Variants in EFCAB5 observed in about 807,000 individuals in gnomAD.
EFCAB5 encodes EF-hand calcium binding domain 5.
In EFCAB5, 131 loss-of-function variants were observed where a neutral mutation model predicts 167.9. The ratio of observed to expected loss-of-function variants is 0.78; its 90% CI spans 0.68 to 0.90. The LOEUF (loss-of-function observed/expected upper bound fraction) is 0.90. EFCAB5 is among the 40% of genes least tolerant of loss of function. The pLI, the probability that EFCAB5 is intolerant of heterozygous loss-of-function variation, is 0.00. For missense variants in EFCAB5, 1,663 were observed against 1,745.2 expected (o/e 0.95, Z 0.84); for synonymous variants, 574 against 602.8 (o/e 0.95, Z 0.70).
chr17:30,070,501 G>A (rs2070704111), intron 14 of EFCAB5, among the ~76,000 whole-genome samples: 1 of 152,018 alleles, frequency 6.6e-6, no homozygotes, highest in African/African-American at 2.4e-5. Flanking sequence ...ATAGACCAAT[G>A]GAACAGAATA....
intron 10 of EFCAB5, among the ~76,000 whole-genome samples, chr17:30,055,333 G>C (rs1043231757): frequency 8.1e-5 from 11 of 135,908 alleles, no homozygotes; most frequent in Non-Finnish European, 1.6e-4. Flanking sequence ...AGGAAGGAAG[G>C]AAGGAAGGAA....
At chr17:30,044,439 G>T (rs1027996773) in intron 8 of EFCAB5, among the ~76,000 whole-genome samples, 7 of 152,044 alleles carry the variant, frequency 4.6e-5, no homozygotes, top group Non-Finnish European at 1.0e-4. Flanking sequence ...TTAGCTGGGC[G>T]TTGTGGCCAT....
At chr17:29,972,401 T>A (rs1030444422) in intron 4 of EFCAB5, 2 of 152,118 alleles carry the variant, frequency 1.3e-5, no homozygotes, top group Admixed American at 1.3e-4. Flanking sequence ...GATCACTCAC[T>A]TGTGAGCTAG....
intron 4 of EFCAB5, among the ~76,000 whole-genome samples, chr17:29,974,068 A>G (rs1395389887): frequency 6.6e-6 from 1 of 150,616 alleles, no homozygotes; most frequent in Non-Finnish European, 1.5e-5. Context: ...GAGGCAGGAG[A>G]ATTGCTTGAA....
chr17:30,027,784 C>T (rs1567724156), intron 7 of EFCAB5, among the ~76,000 whole-genome samples: 1 of 152,226 alleles, frequency 6.6e-6, no homozygotes, highest in South Asian at 2.1e-4. Flanking sequence ...GCTGTCCAGA[C>T]CTTACTGCCC....
At chr17:30,046,515 A>G (rs2069934278) in intron 8 of EFCAB5, among the ~76,000 whole-genome samples, 1 of 152,170 alleles carries the variant, frequency 6.6e-6, no homozygotes, top group South Asian at 2.1e-4. Flanking sequence ...GCAGATACGG[A>G]TGAAAAATCA....
At chr17:30,066,474 A>AAAATAGAAACAGAACATACT (rs1350333269) in intron 14 of EFCAB5, among the ~76,000 whole-genome samples, 1 of 152,088 alleles carries the variant, frequency 6.6e-6, no homozygotes, top group Non-Finnish European at 1.5e-5. Flanking sequence ...GGAACAAATG[A>AAAATAGAAACAGAACATACT]AAATAGAAAC....
At chr17:29,982,879 T>C (rs1158423581) in intron 4 of EFCAB5, among the ~76,000 whole-genome samples, 2 of 152,240 alleles carry the variant, frequency 1.3e-5, no homozygotes, top group Non-Finnish European at 2.9e-5. Flanking sequence ...AGAATTTGGA[T>C]TGTCACAACT....
In EFCAB5 at chr17:30,050,993, T is replaced by C. The variant is rs1254623771; in HGVS notation, c.1201-125T>C. On this transcript the variant is annotated intron_variant, in intron 8 of 22. Transcript: ENST00000394835. ...TTTCTTGATTTTGATGCTGCAGCTT[T>C]TATTTACATGATAATGATTGTTGTG... is the stretch of plus-strand genomic sequence containing the variant. The C allele has an allele frequency of 5.5e-6, 4 of 724,126 alleles. No homozygotes were observed. The East Asian group carries it at 1.1e-4, about 20-fold the overall frequency. 44.9% of individuals were successfully genotyped at this position (724,126 alleles called of 1,614,324 possible).
chr17:30,069,957 G>C (rs1015746646), intron 14 of EFCAB5, among the ~76,000 whole-genome samples: 1 of 152,152 alleles, frequency 6.6e-6, no homozygotes, highest in African/African-American at 2.4e-5. Context: ...ACTTGAGGCC[G>C]CCTTGGCAGG....
chr17:29,950,705 T>C (rs1200161033), intron 3 of EFCAB5: 1 of 152,176 alleles, frequency 6.6e-6, no homozygotes, highest in Non-Finnish European at 1.5e-5. Flanking sequence ...ATTTTCTTTC[T>C]CTAGCTTACT....
intron 7 of EFCAB5, among the ~76,000 whole-genome samples, chr17:30,013,791 T>C (rs2068965646): frequency 6.6e-6 from 1 of 152,250 alleles, no homozygotes; most frequent in Admixed American, 6.5e-5. Context: ...AGTTTTTGTG[T>C]CTCTAGCTCC....
chr17:30,023,137 A>G (rs1483384181), intron 7 of EFCAB5, among the ~76,000 whole-genome samples: 1 of 152,106 alleles, frequency 6.6e-6, no homozygotes, highest in Non-Finnish European at 1.5e-5. Context: ...AAGAAAGAGC[A>G]AACACATTCA....
chr17:30,058,621 T>C (rs1455680811), intron 13 of EFCAB5, among the ~76,000 whole-genome samples: 29 of 152,220 alleles, frequency 1.9e-4, no homozygotes, highest in Admixed American at 1.9e-3. Flanking sequence ...ATGTCAAATA[T>C]AGTCAATCTT....
At chr17:29,979,169 G>A (rs540335491) in intron 4 of EFCAB5, among the ~76,000 whole-genome samples, 4 of 152,182 alleles carry the variant, frequency 2.6e-5, no homozygotes, top group South Asian at 2.1e-4. Context: ...GGCCAACATC[G>A]TGAAACCCTG....
chr17:29,947,047 G>A (rs2067415472), intron 3 of EFCAB5, among the ~76,000 whole-genome samples: 1 of 151,872 alleles, frequency 6.6e-6, no homozygotes, highest in African/African-American at 2.4e-5. Context: ...GGTGGCAGGT[G>A]CCTGTAGTCC....
Position 29,968,775 on chromosome 17 carries a change from T to TTTTTCAC in EFCAB5, c.191-12_191-11insCACTTTT, listed in dbSNP as rs2151577536. Reference sequence around the variant, plus strand: ...ACTTCTAACATTTCTTACATTTCACTTTTTTTTCCCCTCAGAATTAAACCT... The same window carrying TTTTTCAC: ...ACTTCTAACATTTCTTACATTTCACTTTTTCACTTTTTTTCCCCTCAGAATTAAACCT... On this transcript the variant is annotated splice_polypyrimidine_tract_variant and intron_variant, in intron 3 of 22. Coordinates refer to ENST00000394835, the MANE Select transcript of EFCAB5 (RefSeq NM_198529.4). The TTTTTCAC allele has an allele frequency of 1.4e-6, 2 of 1,430,462 alleles. No homozygotes were observed. Among genetic ancestry groups the TTTTTCAC allele is most frequent in the Non-Finnish European group, 1.8e-6 (2 of 1,086,708 alleles). 88.6% of individuals were successfully genotyped at this position (1,430,462 alleles called of 1,614,324 possible).
rs4461132 is a variant in EFCAB5, at chr17:30,096,412, A to C, written c.4321+3476A>C. On this transcript the variant is annotated intron_variant, in intron 22 of 22. Transcript: ENST00000394835. ...TTGATGAGACGTGGAGCATGGTGGC[A>C]TGCACCTGTGGTCCCAGCTACTTGG... Among the ~76,000 whole-genome samples, 6 of 151,660 alleles carry C rather than the reference A, an allele frequency of 4.0e-5. No homozygotes were observed. The South Asian group carries it at 1.0e-3, about 26-fold the overall frequency.
chr17:29,972,296 G>A (rs2067972540), intron 4 of EFCAB5, among the ~76,000 whole-genome samples: 1 of 148,406 alleles, frequency 6.7e-6, no homozygotes. Context: ...TGATCCGCCC[G>A]CCTCGGCTTC....
Sources: gnomAD v4.1 joint callset for allele counts (sites outside exome capture counted in the v4.1 genomes callset) on GRCh38, gnomAD v4.1.1 for gene constraint, MANE v1.5 for transcripts, NCBI Gene and HGNC (gene_info 2026-07-23, HGNC 2026-07-21) for gene names.